The following ACSF2 variants were observed in gnomAD, a reference collection of about 807,000 sequenced individuals.
ACSF2 encodes the protein acyl-CoA synthetase family member 2.
A neutral mutation model predicts 79.3 loss-of-function variants in ACSF2; 52 were observed. The ratio of observed to expected loss-of-function variants is 0.66; its 90% CI spans 0.53 to 0.83. ACSF2 has a LOEUF of 0.83. Among genes scored for constraint, ACSF2 ranks in the 40% least tolerant of loss-of-function variants. The pLI, the probability that ACSF2 is intolerant of heterozygous loss-of-function variation, is 0.00. For synonymous variants in ACSF2, 283 were observed against 312.6 expected, an observed-to-expected ratio of 0.91 and a Z score of 1.00; for missense variants, 661 against 803.3, an observed-to-expected ratio of 0.82 and a Z score of 2.14.
chr17:50,438,860 C>A (rs957911983), intron 1 of ACSF2, among the ~76,000 whole-genome samples: 3 of 152,094 alleles, frequency 2.0e-5, no homozygotes, highest in African/African-American at 7.2e-5. Context: ...AGCTACCATA[C>A]CTGGCCCCAG....
intron 1 of ACSF2, among the ~76,000 whole-genome samples, chr17:50,446,361 G>A (rs748165903): frequency 5.9e-5 from 9 of 151,978 alleles, no homozygotes; most frequent in Non-Finnish European, 1.0e-4. Flanking sequence ...AGATTCAAGC[G>A]ATTCTCCTGC....
Position 50,463,639 on chromosome 17 carries a change from C to A in ACSF2, c.1046+87C>A. On this transcript the variant is annotated intron_variant, in intron 8 of 15. Coordinates refer to ENST00000300441, the MANE Select transcript of ACSF2 (RefSeq NM_025149.6). This position sits in a 1 kb window ranked among gnomAD's most constrained non-coding sequence, Gnocchi z 4.6. ...GCCCTGACACCTTTCCAAGCTGCCT[C>A]CTCCCTCCAGCCAGGAGACTGAGGA... is the stretch of plus-strand genomic sequence containing the variant. 1 of 1,562,912 alleles carries A rather than the reference C, an allele frequency of 6.4e-7. No homozygotes were observed. The highest frequency in any genetic ancestry group is 1.2e-5 in the South Asian group (1 of 82,688).
chr17:50,432,009 C>G (rs936523996), intron 1 of ACSF2, among the ~76,000 whole-genome samples: 2 of 152,124 alleles, frequency 1.3e-5, no homozygotes, highest in Admixed American at 6.5e-5. Flanking sequence ...GAGTGATCCT[C>G]CTATCTCAGC....
At chr17:50,466,907 G>A (rs981491457) in intron 10 of ACSF2, among the ~76,000 whole-genome samples, 1 of 152,206 alleles carries the variant, frequency 6.6e-6, no homozygotes, top group Non-Finnish European at 1.5e-5. Context: ...CAGCTGGGGA[G>A]AGGCAGGGCT....
Position 50,474,307 on chromosome 17 carries a change from T to C in ACSF2, c.1797+40T>C. ...GGAGGCTGGGGAGGGCAGCCTGGGC[T>C]CTGGGGCCCCATAGGGCCCCACCTC... On this transcript the variant is annotated intron_variant, in intron 15 of 15. Transcript: ENST00000300441. This position sits in a 1 kb window ranked among gnomAD's most constrained non-coding sequence, Gnocchi z 4.2. 1 of 1,611,560 alleles carries C rather than the reference T, an allele frequency of 6.2e-7. No individual in the cohort carries two copies. The highest frequency in any genetic ancestry group is 1.3e-5 in the African/African-American group (1 of 74,976).
chr17:50,461,600 A>G (rs1177357838), intron 3 of ACSF2, 33 bp from the exon 4 acceptor site: 1 of 1,614,020 alleles, frequency 6.2e-7, no homozygotes, highest in Non-Finnish European at 8.5e-7. Flanking sequence ...GGGTCTGCCC[A>G]GAATACTGAT....
chr17:50,434,983 G>T (rs1162297638), intron 1 of ACSF2, among the ~76,000 whole-genome samples: 1 of 152,058 alleles, frequency 6.6e-6, no homozygotes, highest in African/African-American at 2.4e-5. Context: ...CGATTCTCCT[G>T]CCTCAGCCTC....
intron 10 of ACSF2, among the ~76,000 whole-genome samples, chr17:50,466,076 T>C (rs531064876): frequency 9.7e-4 from 136 of 139,808 alleles, no homozygotes; most frequent in African/African-American, 3.3e-3. Context: ...TTATTTTCTT[T>C]TTTTTTTTTT....
rs759600596 is a variant in ACSF2, at chr17:50,474,229, G to A, written c.1759G>A (p.Val587Met). Reference protein sequence around the residue: ...ISHFKIPKYIVFVTNYPLTIS... With the variant: ...ISHFKIPKYIMFVTNYPLTIS... ...TCACTTCAAGATTCCGAAGTACATCGTGTTTGTCACAAACTACCCCCTCAC... is the reference window on the plus strand; with the variant it reads ...TCACTTCAAGATTCCGAAGTACATCATGTTTGTCACAAACTACCCCCTCAC... The change falls in exon 15 of 16, where the codon GTG becomes ATG. Residue 587 changes from valine (V) to methionine (M), a missense_variant. Physicochemically the swap from Val to Met is conservative, Grantham distance 21. Transcript: ENST00000300441. This position sits in a 1 kb window ranked among gnomAD's most constrained non-coding sequence, Gnocchi z 4.2. 43 of 1,614,206 alleles carry A rather than the reference G, an allele frequency of 2.7e-5. No homozygotes were observed. The highest frequency in any genetic ancestry group is 4.5e-5 in the East Asian group (2 of 44,880).
intron 1 of ACSF2, among the ~76,000 whole-genome samples, chr17:50,444,234 G>A (rs922107745): frequency 1.3e-5 from 2 of 152,182 alleles, no homozygotes; most frequent in Admixed American, 1.3e-4. Context: ...ATCTAGATAA[G>A]TGATCAAAAG....
At chr17:50,449,394 G>T (rs2031517216) in intron 1 of ACSF2, among the ~76,000 whole-genome samples, 1 of 149,016 alleles carries the variant, frequency 6.7e-6, no homozygotes, top group South Asian at 2.1e-4. Context: ...ATATGTATCA[G>T]TACTTCATTT....
intron 1 of ACSF2, among the ~76,000 whole-genome samples, chr17:50,451,230 G>T (rs1423792546): frequency 6.6e-6 from 1 of 152,160 alleles, no homozygotes; most frequent in Non-Finnish European, 1.5e-5. Context: ...GAGCCACTGT[G>T]CCTGGCCCAA....
intron 1 of ACSF2, among the ~76,000 whole-genome samples, chr17:50,455,785 G>A (rs1004270626): frequency 7.2e-5 from 11 of 152,148 alleles, no homozygotes; most frequent in African/African-American, 1.2e-4. Context: ...TTGAGACCTC[G>A]GGTCCTCGAG....
At chr17:50,455,141 C>G (rs1434103936) in intron 1 of ACSF2, among the ~76,000 whole-genome samples, 3 of 152,158 alleles carry the variant, frequency 2.0e-5, no homozygotes, top group African/African-American at 7.2e-5. Context: ...CACCACCACG[C>G]CTGTTTTATT....
intron 1 of ACSF2, among the ~76,000 whole-genome samples, chr17:50,458,355 C>A (rs1351641287): frequency 2.0e-5 from 3 of 152,190 alleles, no homozygotes; most frequent in African/African-American, 7.2e-5. Flanking sequence ...CTCCCGTTCT[C>A]ACAGCACTCC....
At chr17:50,442,325 A>ATTTTTTTTTT (rs34855383) in intron 1 of ACSF2, among the ~76,000 whole-genome samples, 1 of 117,268 alleles carries the variant, frequency 8.5e-6, no homozygotes. Context: ...AAACAAAACA[A>ATTTTTTTTTT]TTTTTTTTTT....
rs577577426 is a variant in ACSF2 at position 50,464,771 on chromosome 17, G to T, written c.1215+477G>T. Reference sequence around the variant, plus strand: ...ACCTGTTGTGGTTCTGATTGACTTGGGGGGGGGGTCTCAGCAACAGCTTCT... The same window carrying T: ...ACCTGTTGTGGTTCTGATTGACTTGTGGGGGGGGTCTCAGCAACAGCTTCT... On this transcript the variant is annotated intron_variant, in intron 10 of 15. Coordinates refer to ENST00000300441, the MANE Select transcript of ACSF2 (RefSeq NM_025149.6). 35 of 328,878 alleles carry T rather than the reference G, an allele frequency of 1.1e-4. 1 individual carries two copies. In the Admixed American group the frequency reaches 1.3e-3, roughly 12 times the overall value. The allele number at this position is 328,878 out of a possible 1,614,324, so 20.4% of individuals were successfully genotyped here.
chr17:50,465,473 G>T lies in ACSF2; in HGVS notation c.1215+1179G>T, dbSNP rs774717105. The T allele has an allele frequency of 1.7e-5, 27 of 1,611,720 alleles. No homozygotes were observed. In the South Asian group the frequency reaches 3.0e-4, roughly 18 times the overall value. ...ACAGAAACTTGCTGGGGCTGGGGAA[G>T]AAGGTGGGAGTGCTGGGGGGAAGGG... On this transcript the variant is annotated intron_variant, in intron 10 of 15. Transcript: ENST00000300441.
rs1211008920 is a variant in ACSF2, at chr17:50,464,241, C to A, written c.1162C>A (p.Pro388Thr). 1 of 1,614,130 alleles carries A rather than the reference C, an allele frequency of 6.2e-7. No homozygotes were observed. Among genetic ancestry groups the A allele is most frequent in the Non-Finnish European group, 8.5e-7 (1 of 1,180,034 alleles). Reference sequence around the variant, plus strand: ...AGGTGTCATTGCTGGGTCCCCTGCACCTCCAGAGTTGATCCGAGCCATCAT... The same window carrying A: ...AGGTGTCATTGCTGGGTCCCCTGCAACTCCAGAGTTGATCCGAGCCATCAT... Reference protein sequence around the residue: ...CGGVIAGSPAPPELIRAIINK... With the variant: ...CGGVIAGSPATPELIRAIINK... Residue 388 changes from proline (P) to threonine (T), a missense_variant, in exon 10 of 16, where the codon CCT becomes ACT. By Grantham distance (38) the Pro-to-Thr change is conservative. Coordinates refer to ENST00000300441, the MANE Select transcript of ACSF2 (RefSeq NM_025149.6).
Sources: gnomAD v4.1 joint callset for allele counts (sites outside exome capture counted in the v4.1 genomes callset) on GRCh38, gnomAD v4.1.1 for gene constraint, Gnocchi (gnomAD v3.1) non-coding constraint, MANE v1.5 for transcripts, NCBI Gene and HGNC (gene_info 2026-07-23, HGNC 2026-07-21) for gene names.